The following CARMIL2 variants were observed in gnomAD, a reference collection of about 807,000 sequenced individuals.
CARMIL2 encodes capping protein, Arp2/3 and myosin-I linker protein 2.
CARMIL2 carries 96 observed loss-of-function variants against 173.3 expected under a neutral mutation model. The ratio of observed to expected loss-of-function variants is 0.55; its 90% CI spans 0.47 to 0.66. The LOEUF is 0.66. CARMIL2 is among the 30% of genes least tolerant of loss of function. The pLI, the probability that CARMIL2 is intolerant of heterozygous loss-of-function variation, is 0.00. For missense variants in CARMIL2, 1,771 were observed against 1,906.7 expected, an observed-to-expected ratio of 0.93 and a Z score of 1.33; for synonymous variants, 830 against 817.1, an observed-to-expected ratio of 1.02 and a Z score of -0.27.
At chr16:67,656,001 G>A in intron 32 of CARMIL2, 30 bp from the exon 33 acceptor site, 2 of 1,571,966 alleles carry the variant, frequency 1.3e-6, no homozygotes, top group Non-Finnish European at 1.7e-6. Flanking sequence ...AGCGGGCAGG[G>A]CTGGAATCTG....
In CARMIL2 at chr16:67,651,080, G is replaced by A. The variant is rs1464547074; in HGVS notation, c.2185-107G>A. 7.4e-6 allele frequency: 10 copies of A among 1,349,244 alleles called. No individual in the cohort carries two copies. The East Asian group carries it at 2.5e-4, about 34-fold the overall frequency. The allele number at this position is 1,349,244 out of a possible 1,614,324, so 83.6% of individuals were successfully genotyped here. A position where few individuals can be genotyped will look rare whatever the true frequency, so the allele number is the denominator to read the frequency against. The stretch of plus-strand genomic sequence containing the variant: ...GGGTTCCAAAGTGGCTGGTCTAAGG[G>A]TGTCAGCTTCAGGACCTCCCTCTGT... On this transcript the variant is annotated intron_variant, in intron 22 of 37. Transcript: ENST00000334583. This position sits in a 1 kb window ranked among gnomAD's most constrained non-coding sequence, Gnocchi z 4.2.
chr16:67,650,406 C>T, intron 22 of CARMIL2: 1 of 553,546 alleles, frequency 1.8e-6, no homozygotes, highest in South Asian at 2.2e-5. Flanking sequence ...TGTCCTTCCT[C>T]AATTTTCCCC....
chr16:67,654,078 G>GC (rs1316829120), intron 29 of CARMIL2, 71 bp from the exon 30 acceptor site: 5 of 1,006,554 alleles, frequency 5.0e-6, no homozygotes, highest in Non-Finnish European at 5.6e-6. Flanking sequence ...CAGGCTGCCG[G>GC]CCGGGGGGGG....
rs1048993373 is a variant in CARMIL2 at position 67,648,591 on chromosome 16, A to G, written c.1439+89A>G. 1.9e-5 allele frequency: 26 copies of G among 1,367,792 alleles called. No homozygotes were observed. In the Admixed American group the frequency reaches 5.6e-4, roughly 29 times the overall value. 84.7% of individuals were successfully genotyped at this position (1,367,792 alleles called of 1,614,324 possible). On this transcript the variant is annotated intron_variant, in intron 15 of 37. Transcript: ENST00000334583. This position sits in a 1 kb window ranked among gnomAD's most constrained non-coding sequence, Gnocchi z 6.1. ...CCCCGCTCCTGCTTCTGTCGCTCCC[A>G]CAACCTCCCCCAGATCCTGGCCCTG... is the stretch of plus-strand genomic sequence containing the variant.
At chr16:67,654,083 G>GGC (rs1290065033) in intron 29 of CARMIL2, 66 bp from the exon 30 acceptor site, 5 of 529,066 alleles carry the variant, frequency 9.5e-6, no homozygotes, top group South Asian at 1.0e-4. Context: ...TGCCGGCCGG[G>GGC]GGGGGGGGGG....
chr16:67,647,499 G>T lies in CARMIL2; in HGVS notation c.777-9G>T. 1 of 1,594,980 alleles carries T rather than the reference G, an allele frequency of 6.3e-7. No individual in the cohort carries two copies. On this transcript the variant is annotated splice_polypyrimidine_tract_variant and intron_variant, in intron 10 of 37. Coordinates refer to ENST00000334583, the MANE Select transcript of CARMIL2 (RefSeq NM_001013838.3). ...GGGCAGAATCTCATGCCTGGGGTCT[G>T]GTCCCCAGAGACTTTGTCCGACGAC... is the stretch of plus-strand genomic sequence containing the variant.
rs1178976444 is a variant in CARMIL2 at position 67,651,220 on chromosome 16, C to T, written c.2218C>T (p.His740Tyr). ...TGAATTGTGTCAGTCGGTGCAGGAGCATGTGGAGCTGCTGGGCTGTGGGGC... is the reference window on the plus strand; with the variant it reads ...TGAATTGTGTCAGTCGGTGCAGGAGTATGTGGAGCTGCTGGGCTGTGGGGC... The part of the protein sequence containing the change: ...VNELCQSVQE[H>Y]VELLGCGAGP... The change falls in exon 23 of 38, where the codon CAT becomes TAT. Residue 740 changes from histidine (H) to tyrosine (Y), a missense_variant. Coordinates refer to ENST00000334583, the MANE Select transcript of CARMIL2 (RefSeq NM_001013838.3). The surrounding 1 kb of genome is among the most constrained non-coding windows in gnomAD (Gnocchi z 4.2). The T allele has an allele frequency of 2.5e-6, 4 of 1,613,438 alleles. No homozygotes were observed. In the East Asian group the frequency reaches 6.7e-5, roughly 27 times the overall value.
Position 67,645,766 on chromosome 16 carries a change from C to T in CARMIL2, c.175C>T (p.Leu59Phe). Residue 59 changes from leucine (L) to phenylalanine (F), a missense_variant, in exon 3 of 38, where the codon CTC (leucine) becomes TTC (phenylalanine). By Grantham distance (22) the Leu-to-Phe change is conservative. Transcript: ENST00000334583. The stretch of plus-strand genomic sequence containing the variant: ...AGCCTACCTGCTGCACACCACCTGC[C>T]TCCCGCTGAGGGTGAGTCCCAGGGC... ...WRAYLLHTTC[L>F]PLRVDCTFSY... 1 of 1,612,502 alleles carries T rather than the reference C, an allele frequency of 6.2e-7. No homozygotes were observed. Among genetic ancestry groups the T allele is most frequent in the South Asian group, 1.1e-5 (1 of 91,092 alleles).
At chr16:67,654,120 C>G in intron 29 of CARMIL2, 29 bp from the exon 30 acceptor site, 1 of 1,415,268 alleles carries the variant, frequency 7.1e-7, no homozygotes, top group Non-Finnish European at 9.6e-7. Flanking sequence ...GCACTCAACC[C>G]TGACCCCTGA....
chr16:67,652,948 G>T lies in CARMIL2; in HGVS notation c.2885-71G>T, dbSNP rs1241279915. The T allele has an allele frequency of 2.7e-6, 2 of 752,380 alleles. No homozygotes were observed. The highest frequency in any genetic ancestry group is 2.4e-5 in the South Asian group (1 of 41,160). 46.6% of individuals were successfully genotyped at this position (752,380 alleles called of 1,614,324 possible). On this transcript the variant is annotated intron_variant, in intron 28 of 37. Coordinates refer to ENST00000334583, the MANE Select transcript of CARMIL2 (RefSeq NM_001013838.3). The surrounding 1 kb of genome is among the most constrained non-coding windows in gnomAD (Gnocchi z 4.7). ...TCCCCGCGCCCTGGGCGGGTCCCCC[G>T]CCGCCCTAGCGCCTCCGCCGCCACC... is the stretch of plus-strand genomic sequence containing the variant.
At position 67,651,692 on chromosome 16, in the gene CARMIL2, C is replaced by A; in HGVS notation, c.2435C>A (p.Thr812Asn). The A allele has an allele frequency of 6.2e-7, 1 of 1,606,746 alleles. No individual in the cohort carries two copies. The highest frequency in any genetic ancestry group is 1.7e-5 in the Admixed American group (1 of 58,956). ...EVCRQDIQDFTQATLDTARSL... is the reference protein window; with the variant it reads ...EVCRQDIQDFNQATLDTARSL... The stretch of plus-strand genomic sequence containing the variant: ...TGACTGACCTTTGTCTAGGACTTCA[C>A]TCAGGCCACACTGGACACAGCAAGG... Residue 812 changes from threonine to asparagine, a missense_variant, in exon 25 of 38, where the codon ACT becomes AAT. By Grantham distance (65) the Thr-to-Asn change is moderately conservative (BLOSUM62 0). Coordinates refer to ENST00000334583, the MANE Select transcript of CARMIL2 (RefSeq NM_001013838.3). The surrounding 1 kb of genome is among the most constrained non-coding windows in gnomAD (Gnocchi z 4.2).
chr16:67,654,985 T>C (rs2052814030), intron 32 of CARMIL2, 85 bp downstream of exon 32: 1 of 1,521,266 alleles, frequency 6.6e-7, no homozygotes, highest in South Asian at 1.2e-5. Flanking sequence ...AGGAGACTCA[T>C]GACAGATAGG....
rs957769377 is a variant in CARMIL2 at position 67,648,840 on chromosome 16, C to G, written c.1510-53C>G. ...AGGGCCGTGGGCCGCCTGCCCCTCC[C>G]CACTCGCGGCCTAAGTGGGTCCCAC... On this transcript the variant is annotated intron_variant, in intron 16 of 37. Coordinates refer to ENST00000334583, the MANE Select transcript of CARMIL2 (RefSeq NM_001013838.3). The surrounding 1 kb of genome is among the most constrained non-coding windows in gnomAD (Gnocchi z 6.1). 2 of 1,572,128 alleles carry G rather than the reference C, an allele frequency of 1.3e-6. No individual in the cohort carries two copies. The highest frequency in any genetic ancestry group is 2.7e-5 in the African/African-American group (2 of 73,760).
At chr16:67,654,063 C>T (rs1377590631) in intron 29 of CARMIL2, 86 bp from the exon 30 acceptor site, 4 of 869,680 alleles carry the variant, frequency 4.6e-6, no homozygotes, top group Admixed American at 5.1e-5. Context: ...TGGAGTTATT[C>T]AGTCCAGGCT....
intron 35 of CARMIL2, 68 bp from the exon 36 acceptor site, chr16:67,656,733 A>G: frequency 6.4e-7 from 1 of 1,561,172 alleles, no homozygotes; most frequent in Non-Finnish European, 8.7e-7. Flanking sequence ...AAGGACCCTG[A>G]GGGTGGGAGG....
Position 67,647,577 on chromosome 16 carries a change from C to T in CARMIL2, c.846C>T (p.Leu282=), listed in dbSNP as rs1269236679. The change falls in exon 11 of 38, where the codon CTC becomes CTT. Residue 282 remains leucine (L), a synonymous_variant. Transcript: ENST00000334583. The part of the protein sequence containing the change: ...HSSSGLRELS[L]AGNLLDDRGM... ...GCTCTGGGCTGCGGGAGCTCAGCCTCGCGGGGAACCTGCTGGATGACCGAG... is the reference window on the plus strand; with the variant it reads ...GCTCTGGGCTGCGGGAGCTCAGCCTTGCGGGGAACCTGCTGGATGACCGAG... 6 of 1,610,846 alleles carry T rather than the reference C, an allele frequency of 3.7e-6. No individual in the cohort carries two copies. The highest frequency in any genetic ancestry group is 3.4e-5 in the Admixed American group (2 of 59,560).
In CARMIL2 at chr16:67,645,771, G is replaced by T; in HGVS notation, c.180G>T (p.Pro60=). Residue 60 remains proline (P), a synonymous_variant, in exon 3 of 38, where the codon CCG becomes CCT. Coordinates refer to ENST00000334583, the MANE Select transcript of CARMIL2 (RefSeq NM_001013838.3). ...RAYLLHTTCL[P]LRVDCTFSYL... ...ACCTGCTGCACACCACCTGCCTCCC[G>T]CTGAGGGTGAGTCCCAGGGCCTGGC... 2 of 1,612,090 alleles carry T rather than the reference G, an allele frequency of 1.2e-6. No individual in the cohort carries two copies. The highest frequency in any genetic ancestry group is 2.2e-5 in the East Asian group (1 of 44,884).
rs768544962 is a variant in CARMIL2 at position 67,652,146 on chromosome 16, A to T, written c.2677-53A>T. 6.2e-7 allele frequency: 1 copy of T among 1,602,834 alleles called. No homozygotes were observed. Among genetic ancestry groups the T allele is most frequent in the Non-Finnish European group, 8.5e-7 (1 of 1,174,690 alleles). On this transcript the variant is annotated intron_variant, in intron 26 of 37. Transcript: ENST00000334583. This position sits in a 1 kb window ranked among gnomAD's most constrained non-coding sequence, Gnocchi z 4.7. ...TTCAGGGTCCCCTTAGTTAGCATCA[A>T]TGGGATCATGGCTGAGGCCCTACCT...
Position 67,652,414 on chromosome 16 carries a change from C to T in CARMIL2, c.2818-58C>T. The T allele has an allele frequency of 6.2e-7, 1 of 1,611,192 alleles. No homozygotes were observed. Among genetic ancestry groups the T allele is most frequent in the South Asian group, 1.1e-5 (1 of 90,776 alleles). ...GCTGTGGAGTGTGGAAGGTGAAAGG[C>T]AGCTCTTTTGGGTTGGTGCTCTCCT... On this transcript the variant is annotated intron_variant, in intron 27 of 37. Transcript: ENST00000334583. This position sits in a 1 kb window ranked among gnomAD's most constrained non-coding sequence, Gnocchi z 4.7.
Sources: gnomAD v4.1 joint callset for allele counts on GRCh38, gnomAD v4.1.1 for gene constraint, Gnocchi (gnomAD v3.1) non-coding constraint, MANE v1.5 for transcripts, NCBI Gene and HGNC (gene_info 2026-07-23, HGNC 2026-07-21) for gene names.